ADAM23: variants seen among roughly 807,000 people sequenced by gnomAD.
The protein encoded by ADAM23 is ADAM metallopeptidase domain 23.
ADAM23 carries 33 observed loss-of-function variants against 120.1 expected under a neutral mutation model. The observed-to-expected ratio is 0.27, with a 90% CI of 0.21 to 0.37. The LOEUF is 0.37. ADAM23 is among the 10% of genes least tolerant of loss of function. ADAM23 has a pLI of 1.00. For synonymous variants in ADAM23, 367 were observed against 375.2 expected (o/e 0.98, Z 0.25); for missense variants, 862 against 1,058.2 (o/e 0.81, Z 2.57).
At chr2:206,523,471 A>G (rs1243920432) in intron 3 of ADAM23, among the ~76,000 whole-genome samples, 2 of 152,100 alleles carry the variant, frequency 1.3e-5, no homozygotes, top group Non-Finnish European at 2.9e-5. Context: ...CACCCACTTA[A>G]TATATCATTG....
Position 206,617,610 on chromosome 2 carries a change from C to T in ADAM23, c.2482C>T (p.Gln828Ter). The change falls in exon 26 of 26, where the codon CAG becomes TAG. Residue 828 changes from glutamine to a stop codon, truncating the protein, a stop_gained. Transcript: ENST00000264377. LOFTEE classifies it high-confidence loss of function. ...CAAGAAGAGAAGGTTCGATCCTACT[C>T]AGCAAGGCCCCATCTGAATCAGCTG... ...NVKKRRFDPT[Q>*]QGPI The T allele has an allele frequency of 1.9e-6, 3 of 1,612,900 alleles. No homozygotes were observed. The highest frequency in any genetic ancestry group is 2.5e-6 in the Non-Finnish European group (3 of 1,179,404).
chr2:206,610,064 C>T, intron 25 of ADAM23, 64 bp downstream of exon 25: 1 of 1,395,938 alleles, frequency 7.2e-7, no homozygotes, highest in Non-Finnish European at 9.4e-7. Flanking sequence ...CTTACATAAC[C>T]AAGTTTTGAG....
At chr2:206,607,638 G>GGTAA (rs1403026327) in intron 24 of ADAM23, among the ~76,000 whole-genome samples, 2 of 152,088 alleles carry the variant, frequency 1.3e-5, no homozygotes, top group African/African-American at 2.4e-5. Flanking sequence ...AATTGTGACA[G>GGTAA]GTAAGTCTGT....
rs1697781838 is a variant in ADAM23, at chr2:206,562,187, C to A, written c.1255-16C>A. ...CTCTCAAATGTCTCCCACACACTTT[C>A]AACTCTGAAAAACAGTATGGTCTTC... On this transcript the variant is annotated splice_polypyrimidine_tract_variant and intron_variant, in intron 12 of 25. Coordinates refer to ENST00000264377, the MANE Select transcript of ADAM23 (RefSeq NM_003812.4). 6.2e-7 allele frequency: 1 copy of A among 1,609,734 alleles called. No individual in the cohort carries two copies. Among genetic ancestry groups the A allele is most frequent in the South Asian group, 1.1e-5 (1 of 90,912 alleles).
rs912543998 is a variant in ADAM23 at position 206,445,003 on chromosome 2, C to G, written c.215-304C>G. ...TCTTCCCTCAAGTTCATTCTACCCC[C>G]CCCCCAACACTTAGAAGTATAGATT... On this transcript the variant is annotated intron_variant, in intron 1 of 25. Transcript: ENST00000264377. Among the ~76,000 whole-genome samples, 13 of 150,924 alleles carry G rather than the reference C, an allele frequency of 8.6e-5. No individual in the cohort carries two copies. The South Asian group carries it at 1.5e-3, about 17-fold the overall frequency.
chr2:206,509,477 C>T (rs1206343262), intron 3 of ADAM23, among the ~76,000 whole-genome samples: 1 of 151,816 alleles, frequency 6.6e-6, no homozygotes, highest in African/African-American at 2.4e-5. Flanking sequence ...GAGATGGAGT[C>T]TCGCTCTGTC....
Position 206,618,378 on chromosome 2 carries a change from T to C in ADAM23, c.*751T>C, listed in dbSNP as rs1253147464. The C allele has an allele frequency of 6.6e-6, 1 of 152,236 alleles. No homozygotes were observed. The highest frequency in any genetic ancestry group is 1.5e-5 in the Non-Finnish European group (1 of 68,058). 9.4% of individuals were successfully genotyped at this position (152,236 alleles called of 1,614,324 possible). On this transcript the variant is annotated 3_prime_UTR_variant, in exon 26 of 26. Coordinates refer to ENST00000264377, the MANE Select transcript of ADAM23 (RefSeq NM_003812.4). ...GTTTTCTCCTGGACTGAGCATCCTTTGGAAATGGGAGCTGGAATTTGAACA... is the reference window on the plus strand; with the variant it reads ...GTTTTCTCCTGGACTGAGCATCCTTCGGAAATGGGAGCTGGAATTTGAACA...
intron 3 of ADAM23, among the ~76,000 whole-genome samples, chr2:206,511,060 G>A (rs1250009770): frequency 6.6e-6 from 1 of 151,796 alleles, no homozygotes; most frequent in Non-Finnish European, 1.5e-5. Context: ...TATCTTTTTT[G>A]TCTATCATCT....
At chr2:206,605,801 A>G (rs1158718395) in intron 24 of ADAM23, 1 of 702,456 alleles carries the variant, frequency 1.4e-6, no homozygotes, top group Admixed American at 2.0e-5. Flanking sequence ...GAATATGGCC[A>G]CAAGCAGGCT....
chr2:206,450,028 G>A (rs1317572559), intron 2 of ADAM23, among the ~76,000 whole-genome samples: 1 of 152,138 alleles, frequency 6.6e-6, no homozygotes, highest in African/African-American at 2.4e-5. Flanking sequence ...CTCTATTTTA[G>A]GATAGGACTG....
intron 17 of ADAM23, among the ~76,000 whole-genome samples, 169 bp downstream of exon 17, chr2:206,571,985 A>G (rs896596606): frequency 6.6e-6 from 1 of 152,164 alleles, no homozygotes; most frequent in African/African-American, 2.4e-5. Flanking sequence ...GGGCCGCAAC[A>G]TTTATCTCTA....
At chr2:206,544,841 T>G (rs1181597870) in intron 6 of ADAM23, among the ~76,000 whole-genome samples, 1 of 152,068 alleles carries the variant, frequency 6.6e-6, no homozygotes, top group Non-Finnish European at 1.5e-5. Context: ...GTTAAATTTT[T>G]TATACATACA....
chr2:206,481,671 T>C (rs1209361832), intron 3 of ADAM23, among the ~76,000 whole-genome samples: 1 of 152,236 alleles, frequency 6.6e-6, no homozygotes, highest in African/African-American at 2.4e-5. Context: ...CCATTTACTC[T>C]TTATAATGCA....
chr2:206,562,986 G>C (rs1444104656), intron 13 of ADAM23, among the ~76,000 whole-genome samples: 1 of 152,188 alleles, frequency 6.6e-6, no homozygotes, highest in Non-Finnish European at 1.5e-5. Context: ...AAAGGGTCTA[G>C]GGCTCACAGT....
In ADAM23 at chr2:206,500,285, A is replaced by T. The variant is rs547850762; in HGVS notation, c.509+18977A>T. Among the ~76,000 whole-genome samples the T allele has an allele frequency of 2.9e-4, 44 of 152,224 alleles. No homozygotes were observed. The South Asian group carries it at 8.3e-3, about 29-fold the overall frequency. On this transcript the variant is annotated intron_variant, in intron 3 of 25. Transcript: ENST00000264377. ...CTAGTGTTTTTGTCTCTTTCTTTGA[A>T]GGCAACTTCCTGGTAAGTAATGATT...
At chr2:206,459,338 C>T (rs893637491) in intron 2 of ADAM23, among the ~76,000 whole-genome samples, 13 of 152,198 alleles carry the variant, frequency 8.5e-5, no homozygotes, top group African/African-American at 3.1e-4. Flanking sequence ...TTCTGATTAA[C>T]TATAACTATA....
chr2:206,582,994 T>G (rs1698247780), intron 18 of ADAM23, among the ~76,000 whole-genome samples: 4 of 152,186 alleles, frequency 2.6e-5, no homozygotes, highest in Admixed American at 2.0e-4. Context: ...ATTCTTTCCT[T>G]TGTCTTAACT....
chr2:206,529,063 A>G (rs188052204), intron 3 of ADAM23, among the ~76,000 whole-genome samples: 2 of 152,300 alleles, frequency 1.3e-5, no homozygotes, highest in African/African-American at 2.4e-5. Context: ...TCCACATTGT[A>G]TAGGGAGAAA....
At chr2:206,549,705 T>C (rs978440125) in intron 8 of ADAM23, among the ~76,000 whole-genome samples, 2 of 152,062 alleles carry the variant, frequency 1.3e-5, no homozygotes, top group Admixed American at 1.3e-4. Flanking sequence ...TTACATAGAT[T>C]TTCATTGACG....
Sources: allele counts gnomAD v4.1 joint callset (sites outside exome capture counted in the v4.1 genomes callset), GRCh38; gene constraint gnomAD v4.1.1; transcripts MANE v1.5; gene names NCBI Gene and HGNC (gene_info 2026-07-23, HGNC 2026-07-21).